USH2A: variants seen among roughly 807,000 people sequenced by gnomAD.
USH2A encodes Usher syndrome 2A (autosomal recessive, mild).
USH2A carries 443 observed loss-of-function variants against 538.9 expected under a neutral mutation model. That is an observed-to-expected ratio of 0.82 (90% confidence interval 0.76 to 0.89). USH2A has a LOEUF of 0.89. USH2A is among the 40% of genes least tolerant of loss of function. The probability of loss-of-function intolerance (pLI) is 0.00; values close to 1 mark genes in which losing one functional copy is unlikely to be tolerated. For missense variants in USH2A, 6,633 were observed against 6,324.8 expected, an observed-to-expected ratio of 1.05 and a Z score of -1.65; for synonymous variants, 2,413 against 2,273.5, an observed-to-expected ratio of 1.06 and a Z score of -1.75.
At chr1:215,764,320 T>C (rs1661066790) in intron 56 of USH2A, among the ~76,000 whole-genome samples, 1 of 152,154 alleles carries the variant, frequency 6.6e-6, no homozygotes, top group Non-Finnish European at 1.5e-5. Context: ...CTGGGTCTTC[T>C]TTTCCTTTCT....
At chr1:216,347,765 G>C (rs2038206734) in intron 4 of USH2A, among the ~76,000 whole-genome samples, 1 of 151,992 alleles carries the variant, frequency 6.6e-6, no homozygotes, top group Admixed American at 6.6e-5. Context: ...AAAACTTTTT[G>C]TCATCCATAG....
At chr1:216,076,696 C>G (rs2031765646) in intron 27 of USH2A, among the ~76,000 whole-genome samples, 1 of 152,094 alleles carries the variant, frequency 6.6e-6, no homozygotes, top group African/African-American at 2.4e-5. Flanking sequence ...GTCTTACACC[C>G]CAGTTATTCA....
At chr1:215,891,590 C>T (rs958231065) in intron 40 of USH2A, among the ~76,000 whole-genome samples, 5 of 152,130 alleles carry the variant, frequency 3.3e-5, no homozygotes, top group African/African-American at 7.2e-5. Flanking sequence ...AAGTTATGCT[C>T]ACAGCAGTAG....
At chr1:216,074,176 G>T (rs768913835) in intron 27 of USH2A, among the ~76,000 whole-genome samples, 6 of 152,208 alleles carry the variant, frequency 3.9e-5, no homozygotes, top group Non-Finnish European at 7.3e-5. Context: ...AAGGCATCCA[G>T]TTAGCCAGGG....
chr1:215,933,132 G>T (rs1411421703), intron 38 of USH2A, among the ~76,000 whole-genome samples: 1 of 151,826 alleles, frequency 6.6e-6, no homozygotes, highest in Non-Finnish European at 1.5e-5. Flanking sequence ...TATATATCCT[G>T]TAGAAAAGGT....
chr1:215,709,442 G>A (rs1659272878), intron 61 of USH2A, among the ~76,000 whole-genome samples: 1 of 151,956 alleles, frequency 6.6e-6, no homozygotes, highest in Non-Finnish European at 1.5e-5. Flanking sequence ...CTGTATTAAT[G>A]TTCTTCCTTC....
At chr1:215,751,617 C>T (rs1216971883) in intron 58 of USH2A, among the ~76,000 whole-genome samples, 1 of 152,072 alleles carries the variant, frequency 6.6e-6, no homozygotes, top group Non-Finnish European at 1.5e-5. Context: ...GAAGCATTTG[C>T]TATTTAATTT....
intron 9 of USH2A, among the ~76,000 whole-genome samples, chr1:216,309,602 G>T (rs1336691128): frequency 6.6e-6 from 1 of 152,068 alleles, no homozygotes; most frequent in African/African-American, 2.4e-5. Context: ...AGTGCTGAGA[G>T]GAAACATTCT....
intron 21 of USH2A, among the ~76,000 whole-genome samples, chr1:216,152,916 C>T (rs1189884814): frequency 6.6e-6 from 1 of 152,160 alleles, no homozygotes; most frequent in Non-Finnish European, 1.5e-5. Context: ...GCTCCATGAG[C>T]AGAAGAGCAG....
chr1:216,189,874 T>C (rs1216725469), intron 20 of USH2A, among the ~76,000 whole-genome samples: 1 of 151,976 alleles, frequency 6.6e-6, no homozygotes, highest in African/African-American at 2.4e-5. Context: ...AGGTTGGTAG[T>C]TAAGCCCTGG....
intron 15 of USH2A, among the ~76,000 whole-genome samples, chr1:216,215,251 G>C (rs1390437015): frequency 2.0e-5 from 3 of 152,074 alleles, no homozygotes; most frequent in East Asian, 3.8e-4. Context: ...AACTGTGTAG[G>C]GGGTGGGGTA....
intron 3 of USH2A, among the ~76,000 whole-genome samples, chr1:216,404,704 C>T (rs1314190242): frequency 6.6e-6 from 1 of 151,158 alleles, no homozygotes; most frequent in Non-Finnish European, 1.5e-5. Context: ...TCACAGCAGC[C>T]TCAACTTCCT....
intron 3 of USH2A, among the ~76,000 whole-genome samples, chr1:216,387,702 C>G (rs960954621): frequency 6.6e-6 from 1 of 152,308 alleles, no homozygotes; most frequent in East Asian, 1.9e-4. Context: ...TATAGATCCT[C>G]AAACGTTAAA....
chr1:216,098,409 G>A (rs2032497184), intron 21 of USH2A, among the ~76,000 whole-genome samples: 3 of 152,182 alleles, frequency 2.0e-5, no homozygotes, highest in South Asian at 4.1e-4. Context: ...AATGAATACT[G>A]ATTTGAGTAA....
At chr1:216,163,124 C>T (rs1003546453) in intron 21 of USH2A, among the ~76,000 whole-genome samples, 23 of 151,700 alleles carry the variant, frequency 1.5e-4, no homozygotes, top group Non-Finnish European at 2.7e-4. Context: ...TATATATTGG[C>T]TACAAATAGG....
rs1179803163 is a variant in USH2A, at chr1:216,125,580, A to G, written c.4628-28367T>C. Among the ~76,000 whole-genome samples, 4 of 152,236 alleles carry G rather than the reference A, an allele frequency of 2.6e-5. No homozygotes were observed. The East Asian group carries it at 7.7e-4, about 29-fold the overall frequency. ...TGCGATGGCCTTTTCACTCAGTAAC[A>G]AATTTTCCATCATATTTCAAATAGT... On this transcript the variant is annotated intron_variant, in intron 21 of 71. Transcript: ENST00000307340.
chr1:216,217,257 T>C (rs1239663759), intron 15 of USH2A, 130 bp downstream of exon 15: 2 of 1,154,746 alleles, frequency 1.7e-6, no homozygotes, highest in African/African-American at 1.5e-5. Flanking sequence ...TTTTTTTCCA[T>C]CTCTTACCTA....
intron 20 of USH2A, among the ~76,000 whole-genome samples, chr1:216,187,355 G>A (rs984738485): frequency 6.6e-6 from 1 of 151,768 alleles, no homozygotes; most frequent in African/African-American, 2.4e-5. Context: ...CTCAAGAGAT[G>A]GTTCTGAATT....
chr1:215,749,597 C>G (rs528100876), intron 58 of USH2A, among the ~76,000 whole-genome samples: 1 of 152,264 alleles, frequency 6.6e-6, no homozygotes, highest in South Asian at 2.1e-4. Context: ...ACTGAGCCCC[C>G]TGGTATTCTG....
Sources: gnomAD v4.1 joint callset for allele counts (sites outside exome capture counted in the v4.1 genomes callset) on GRCh38, gnomAD v4.1.1 for gene constraint, MANE v1.5 for transcripts, NCBI Gene and HGNC (gene_info 2026-07-23, HGNC 2026-07-21) for gene names.